The following TAFA5 variants were observed in gnomAD, a reference collection of about 807,000 sequenced individuals.
The protein encoded by TAFA5 is chemokine-like protein TAFA-5.
A neutral mutation model predicts 15.3 loss-of-function variants in TAFA5; 6 were observed. The ratio of observed to expected loss-of-function variants is 0.39; its 90% CI spans 0.21 to 0.77. The LOEUF is 0.77. TAFA5 is among the 30% of genes least tolerant of loss of function. The pLI is 0.41. For missense variants in TAFA5, 161 were observed against 193.1 expected, an observed-to-expected ratio of 0.83 and a Z score of 0.98; for synonymous variants, 103 against 80.7, an observed-to-expected ratio of 1.28 and a Z score of -1.48.
chr22:48,729,736 TAA>T (rs1394937029), intron 3 of TAFA5, among the ~76,000 whole-genome samples: 2 of 147,286 alleles, frequency 1.4e-5, no homozygotes, highest in African/African-American at 2.5e-5. Flanking sequence ...ATATAAAACA[TAA>T]ATATAAATTT....
At chr22:48,703,072 T>C (rs1928963940) in intron 2 of TAFA5, among the ~76,000 whole-genome samples, 1 of 152,180 alleles carries the variant, frequency 6.6e-6, no homozygotes, top group Admixed American at 6.5e-5. Flanking sequence ...TGCATGTGTG[T>C]GCGTGAACGT....
At chr22:48,535,685 T>C (rs966711344) in intron 1 of TAFA5, among the ~76,000 whole-genome samples, 15 of 150,022 alleles carry the variant, frequency 1.0e-4, no homozygotes, top group African/African-American at 3.4e-4. Flanking sequence ...TATATGCATA[T>C]ATGTAGGTGC....
At chr22:48,535,568 G>T (rs1470300688) in intron 1 of TAFA5, among the ~76,000 whole-genome samples, 1 of 151,978 alleles carries the variant, frequency 6.6e-6, no homozygotes, top group Non-Finnish European at 1.5e-5. Context: ...AGCTGTGTGG[G>T]TATATGCATA....
At chr22:48,676,117 C>G (rs968445527) in intron 2 of TAFA5, among the ~76,000 whole-genome samples, 1 of 152,264 alleles carries the variant, frequency 6.6e-6, no homozygotes, top group Non-Finnish European at 1.5e-5. Context: ...CAGGCAGCCT[C>G]CCTGGGCCAC....
At chr22:48,505,626 G>A (rs1186901064) in intron 1 of TAFA5, among the ~76,000 whole-genome samples, 3 of 152,234 alleles carry the variant, frequency 2.0e-5, no homozygotes, top group Non-Finnish European at 4.4e-5. Context: ...CCAGTGGGGA[G>A]CATCCACCAA....
chr22:48,673,902 T>C (rs1279378657), intron 2 of TAFA5, among the ~76,000 whole-genome samples: 1 of 152,134 alleles, frequency 6.6e-6, no homozygotes, highest in East Asian at 1.9e-4. Flanking sequence ...GGTATAGCTC[T>C]GTAGATACTA....
At chr22:48,645,884 A>G (rs1926842274) in intron 1 of TAFA5, among the ~76,000 whole-genome samples, 2 of 152,076 alleles carry the variant, frequency 1.3e-5, no homozygotes, top group African/African-American at 4.8e-5. Flanking sequence ...GGCTCACTCC[A>G]GGGGTGTGTT....
intron 1 of TAFA5, among the ~76,000 whole-genome samples, chr22:48,644,194 A>G (rs769253633): frequency 1.3e-5 from 2 of 152,158 alleles, no homozygotes; most frequent in Non-Finnish European, 2.9e-5. Flanking sequence ...GTGGAAGTCC[A>G]AGTTCCCGCC....
intron 1 of TAFA5, among the ~76,000 whole-genome samples, chr22:48,507,461 C>G (rs558256158): frequency 6.6e-6 from 1 of 152,202 alleles, no homozygotes; most frequent in Non-Finnish European, 1.5e-5. Flanking sequence ...AATCGCCAGA[C>G]GTGGTGGCGT....
chr22:48,741,139 T>C (rs1026408927), intron 3 of TAFA5, among the ~76,000 whole-genome samples: 1 of 152,072 alleles, frequency 6.6e-6, no homozygotes, highest in Non-Finnish European at 1.5e-5. Flanking sequence ...ATGGAGAAAA[T>C]GAGGCTCTGG....
At chr22:48,632,932 C>G (rs1383867303) in intron 1 of TAFA5, among the ~76,000 whole-genome samples, 2 of 152,204 alleles carry the variant, frequency 1.3e-5, no homozygotes, top group East Asian at 3.9e-4. Context: ...GCAGCATCCT[C>G]AGTTCCACTA....
intron 1 of TAFA5, among the ~76,000 whole-genome samples, chr22:48,600,406 T>TGG (rs1403286338): frequency 6.6e-6 from 1 of 152,170 alleles, no homozygotes; most frequent in African/African-American, 2.4e-5. Flanking sequence ...GCACCAGCTC[T>TGG]GGGACATGAA....
intron 3 of TAFA5, among the ~76,000 whole-genome samples, chr22:48,736,800 G>T (rs370681445): frequency 6.6e-6 from 1 of 152,186 alleles, no homozygotes; most frequent in Non-Finnish European, 1.5e-5. Context: ...CACAGAGGCC[G>T]AATGAAGGCC....
chr22:48,595,481 G>A (rs1308708353), intron 1 of TAFA5, among the ~76,000 whole-genome samples: 1 of 152,262 alleles, frequency 6.6e-6, no homozygotes, highest in Non-Finnish European at 1.5e-5. Flanking sequence ...AGTGCTGCCG[G>A]TAGCTATGAG....
intron 1 of TAFA5, among the ~76,000 whole-genome samples, chr22:48,630,442 T>C (rs141655688): frequency 8.4e-4 from 128 of 152,302 alleles, no homozygotes; most frequent in African/African-American, 3.0e-3. Flanking sequence ...GGGGCGTGCG[T>C]GGCCTTTATT....
chr22:48,658,256 C>T (rs962736781), intron 2 of TAFA5, among the ~76,000 whole-genome samples: 2 of 152,128 alleles, frequency 1.3e-5, no homozygotes, highest in Non-Finnish European at 1.5e-5. Context: ...GGGGGAGCAG[C>T]GAGGTCTTAC....
chr22:48,743,194 T>C (rs1930231243), intron 3 of TAFA5, among the ~76,000 whole-genome samples: 1 of 151,712 alleles, frequency 6.6e-6, no homozygotes, highest in Non-Finnish European at 1.5e-5. Context: ...CAGAGGGTCC[T>C]CCCTGCCTCC....
At chr22:48,521,863 G>A (rs771855336) in intron 1 of TAFA5, among the ~76,000 whole-genome samples, 1 of 152,114 alleles carries the variant, frequency 6.6e-6, no homozygotes, top group Non-Finnish European at 1.5e-5. Context: ...AGTTGACATC[G>A]GGGCCAGGAT....
intron 1 of TAFA5, among the ~76,000 whole-genome samples, chr22:48,618,153 C>T (rs1925679588): frequency 6.6e-6 from 1 of 152,116 alleles, no homozygotes; most frequent in Non-Finnish European, 1.5e-5. Flanking sequence ...TGGGTGCAGT[C>T]GAGCCTGGCC....
Sources: gnomAD v4.1 joint callset for allele counts (sites outside exome capture counted in the v4.1 genomes callset) on GRCh38, gnomAD v4.1.1 for gene constraint, MANE v1.5 for transcripts, NCBI Gene and HGNC (gene_info 2026-07-23, HGNC 2026-07-21) for gene names.